WDPCP: variants seen among roughly 807,000 people sequenced by gnomAD.
WDPCP encodes the protein WD repeat containing planar cell polarity effector.
Under a neutral mutation model 93.1 loss-of-function variants are expected in WDPCP, and 71 were observed. The observed-to-expected ratio is 0.76, with a 90% CI of 0.63 to 0.93. The LOEUF is 0.93. Among genes scored for constraint, WDPCP ranks in the 40% least tolerant of loss-of-function variants. The pLI is 0.00. For missense variants in WDPCP, 844 were observed against 887.4 expected (o/e 0.95, Z 0.62); for synonymous variants, 315 against 315.0 (o/e 1.00, Z 0.00).
chr2:63,751,727 A>G, intron 2 of WDPCP: 1 of 551,886 alleles, frequency 1.8e-6, no homozygotes, highest in Middle Eastern at 3.9e-4. Flanking sequence ...TACTGCTGCT[A>G]CTGAAATTGA....
chr2:63,352,664 GAGA>G (rs1322090185), intron 12 of WDPCP, among the ~76,000 whole-genome samples: 1 of 152,186 alleles, frequency 6.6e-6, no homozygotes, highest in Non-Finnish European at 1.5e-5. Flanking sequence ...AAGCAAAGAG[GAGA>G]AGAACGTGGA....
At chr2:63,437,227 A>T (rs1697194048) in intron 8 of WDPCP, among the ~76,000 whole-genome samples, 194 bp downstream of exon 8, 1 of 151,864 alleles carries the variant, frequency 6.6e-6, no homozygotes, top group South Asian at 2.1e-4. Flanking sequence ...TTGTTAGACA[A>T]CCCCCCATAG....
chr2:63,749,565 G>C (rs1012159601), intron 2 of WDPCP, among the ~76,000 whole-genome samples: 1 of 152,064 alleles, frequency 6.6e-6, no homozygotes, highest in African/African-American at 2.4e-5. Flanking sequence ...AATAGGCTTT[G>C]TCTTAGATGA....
intron 13 of WDPCP, among the ~76,000 whole-genome samples, chr2:63,262,698 T>C (rs1681753397): frequency 6.6e-6 from 1 of 152,194 alleles, no homozygotes; most frequent in Non-Finnish European, 1.5e-5. Flanking sequence ...CTGTCTCTTA[T>C]TTTTGCATTC....
In WDPCP at chr2:63,534,566, C is replaced by G. The variant is rs1704119437; in HGVS notation, c.76-41626G>C. 2.0e-5 allele frequency among the ~76,000 whole-genome samples: 3 copies of G among 152,140 alleles called. No individual in the cohort carries two copies. The South Asian group carries it at 6.2e-4, about 32-fold the overall frequency. On this transcript the variant is annotated intron_variant, in intron 1 of 17. Coordinates refer to ENST00000272321, the MANE Select transcript of WDPCP (RefSeq NM_015910.7). ...CAAGACTGGTTCAGCATATACAAAT[C>G]AATAAACATAATCCATCATATAAAC...
At chr2:63,260,343 A>C (rs1575002873) in intron 13 of WDPCP, among the ~76,000 whole-genome samples, 1 of 152,264 alleles carries the variant, frequency 6.6e-6, no homozygotes, top group East Asian at 1.9e-4. Flanking sequence ...AAAATGGGAA[A>C]AGAATATGAA....
At chr2:63,503,147 G>T (rs1460789960) in intron 1 of WDPCP, among the ~76,000 whole-genome samples, 2 of 152,156 alleles carry the variant, frequency 1.3e-5, no homozygotes, top group Non-Finnish European at 2.9e-5. Context: ...TAGTTAAATA[G>T]ATCTTGTCAA....
intron 15 of WDPCP, among the ~76,000 whole-genome samples, chr2:63,170,943 G>A (rs1395047191): frequency 3.3e-5 from 5 of 150,652 alleles, no homozygotes; most frequent in East Asian, 1.9e-4. Flanking sequence ...TTTTGATGAA[G>A]GTGTAAAGGC....
intron 2 of WDPCP, among the ~76,000 whole-genome samples, chr2:63,702,557 G>A (rs1393465302): frequency 5.3e-5 from 8 of 150,180 alleles, no homozygotes; most frequent in Non-Finnish European, 1.2e-4. Flanking sequence ...TTTGGTGTAG[G>A]GGGCGGAGTC....
At chr2:63,527,345 T>C (rs953787017) in intron 1 of WDPCP, among the ~76,000 whole-genome samples, 2 of 151,468 alleles carry the variant, frequency 1.3e-5, no homozygotes, top group African/African-American at 4.9e-5. Flanking sequence ...ACATTAGGTA[T>C]ACGTCCTAAT....
At chr2:63,789,730 CAA>C (rs1670519347) in intron 2 of WDPCP, among the ~76,000 whole-genome samples, 1 of 152,128 alleles carries the variant, frequency 6.6e-6, no homozygotes, top group Non-Finnish European at 1.5e-5. Flanking sequence ...TTTCTGTCTC[CAA>C]AGAGTATGCA....
intron 12 of WDPCP, among the ~76,000 whole-genome samples, chr2:63,344,533 CAT>C (rs1300523969): frequency 6.6e-6 from 1 of 152,190 alleles, no homozygotes; most frequent in African/African-American, 2.4e-5. Flanking sequence ...AATTCACTAA[CAT>C]ATGCAAGTAG....
At chr2:63,739,118 T>C (rs990047387) in intron 2 of WDPCP, among the ~76,000 whole-genome samples, 1 of 152,194 alleles carries the variant, frequency 6.6e-6, no homozygotes, top group Admixed American at 6.5e-5. Context: ...GTTGTACATA[T>C]TATTTTATCA....
chr2:63,211,750 T>TA (rs1249056734), intron 14 of WDPCP, among the ~76,000 whole-genome samples: 10 of 152,028 alleles, frequency 6.6e-5, no homozygotes, highest in Non-Finnish European at 1.5e-4. Context: ...CTAACTAGAA[T>TA]CAACAGTGTA....
intron 13 of WDPCP, among the ~76,000 whole-genome samples, chr2:63,308,190 A>G (rs1199592815): frequency 6.6e-6 from 1 of 152,244 alleles, no homozygotes; most frequent in Non-Finnish European, 1.5e-5. Flanking sequence ...CAGACCCACA[A>G]TGAGATACCA....
At chr2:63,552,425 A>G (rs1476550319) in intron 1 of WDPCP, among the ~76,000 whole-genome samples, 1 of 152,200 alleles carries the variant, frequency 6.6e-6, no homozygotes, top group African/African-American at 2.4e-5. Context: ...AGTGTTTAAA[A>G]GATATCTGCA....
rs1669000857 is a variant in WDPCP at position 63,698,990 on chromosome 2, G to A, written n.309-48152C>T. On this transcript the variant is annotated intron_variant and non_coding_transcript_variant, in intron 2 of 4. Coordinates refer to the WDPCP transcript ENST00000467687. Reference sequence around the variant, plus strand: ...CCTGAGGGAAGCTATTACTTAGTCAGGCCCCACCCTTCCAAGACATCACAG... The same window carrying A: ...CCTGAGGGAAGCTATTACTTAGTCAAGCCCCACCCTTCCAAGACATCACAG... Among the ~76,000 whole-genome samples the A allele has an allele frequency of 2.0e-5, 3 of 152,134 alleles. No individual in the cohort carries two copies. In the South Asian group the frequency reaches 6.2e-4, roughly 32 times the overall value.
chr2:63,598,874 T>C (rs993072096), intron 3 of WDPCP, among the ~76,000 whole-genome samples: 2 of 141,302 alleles, frequency 1.4e-5, no homozygotes, highest in African/African-American at 5.3e-5. Context: ...GTATCTTGTC[T>C]ACAGCTTGTC....
intron 1 of WDPCP, among the ~76,000 whole-genome samples, chr2:63,497,764 G>A (rs1185740779): frequency 2.6e-5 from 4 of 152,188 alleles, no homozygotes; most frequent in African/African-American, 4.8e-5. Flanking sequence ...TGAAAAATAC[G>A]CCTGGAGGAA....
Sources: allele counts gnomAD v4.1 joint callset (sites outside exome capture counted in the v4.1 genomes callset), GRCh38; gene constraint gnomAD v4.1.1; transcripts MANE v1.5; gene names NCBI Gene and HGNC (gene_info 2026-07-23, HGNC 2026-07-21).